The following CNTNAP2 variants were observed in gnomAD, a reference collection of about 807,000 sequenced individuals.
The protein encoded by CNTNAP2 is contactin associated protein 2.
A neutral mutation model predicts 155.2 loss-of-function variants in CNTNAP2; 98 were observed. That is an observed-to-expected ratio of 0.63 (90% CI 0.54 to 0.75). The LOEUF (loss-of-function observed/expected upper bound fraction) is 0.75, where lower values mean the gene tolerates loss of function less well. CNTNAP2 is among the 30% of genes least tolerant of loss of function. CNTNAP2 has a pLI of 0.00. For missense variants in CNTNAP2, 1,727 were observed against 1,688.1 expected (o/e 1.02, Z -0.40); for synonymous variants, 651 against 631.2 (o/e 1.03, Z -0.47).
chr7:146,507,161 A>C (rs1371110939), intron 1 of CNTNAP2, among the ~76,000 whole-genome samples: 1 of 152,176 alleles, frequency 6.6e-6, no homozygotes, highest in African/African-American at 2.4e-5. Context: ...TTGTCCACAC[A>C]ATGACTGTAG....
At chr7:146,799,057 C>G (rs959030118) in intron 2 of CNTNAP2, among the ~76,000 whole-genome samples, 1 of 152,180 alleles carries the variant, frequency 6.6e-6, no homozygotes, top group African/African-American at 2.4e-5. Context: ...ACAACCACAT[C>G]ACTTGAATTG....
At chr7:148,230,294 A>G (rs1795936836) in intron 20 of CNTNAP2, among the ~76,000 whole-genome samples, 1 of 152,148 alleles carries the variant, frequency 6.6e-6, no homozygotes, top group South Asian at 2.1e-4. Flanking sequence ...TCGGCACACA[A>G]AGGGATGGTT....
rs58027241 is a variant in CNTNAP2 at position 147,772,446 on chromosome 7, CTATATATATATATATATATATATATA to C, written c.2099-131106_2099-131081del. 2.5e-4 allele frequency among the ~76,000 whole-genome samples: 16 copies of C among 63,746 alleles called. 1 individual carries two copies. The highest frequency in any genetic ancestry group is 4.2e-4 in the Non-Finnish European group (15 of 36,084). The allele number at this position is 63,746 out of a possible 152,430, so 41.8% of individuals were successfully genotyped here. A position where few individuals can be genotyped will look rare whatever the true frequency, so the allele number is the denominator to read the frequency against. The stretch of plus-strand genomic sequence containing the variant: ...AATATATATATTATTCTCTCTCTCG[CTATATATATATATATATATATATATA>C]TATATATATATACACACACAAAAAA... On this transcript the variant is annotated intron_variant, in intron 13 of 23. Coordinates refer to ENST00000361727, the MANE Select transcript of CNTNAP2 (RefSeq NM_014141.6).
intron 1 of CNTNAP2, among the ~76,000 whole-genome samples, chr7:146,516,650 C>A (rs1797546084): frequency 6.6e-6 from 1 of 151,910 alleles, no homozygotes; most frequent in African/African-American, 2.4e-5. Flanking sequence ...CTTGACTCTG[C>A]AACTAACCCC....
intron 3 of CNTNAP2, among the ~76,000 whole-genome samples, chr7:146,980,271 G>A (rs1797988741): frequency 6.6e-6 from 1 of 152,168 alleles, no homozygotes; most frequent in Non-Finnish European, 1.5e-5. Flanking sequence ...AAGGGGGCAA[G>A]TGATCAACAC....
chr7:147,698,416 A>C (rs576579837), intron 13 of CNTNAP2, among the ~76,000 whole-genome samples: 1 of 152,298 alleles, frequency 6.6e-6, no homozygotes, highest in East Asian at 1.9e-4. Context: ...CACATATTTA[A>C]ACATCTATTA....
At chr7:147,040,192 C>T (rs1799231623) in intron 3 of CNTNAP2, among the ~76,000 whole-genome samples, 1 of 152,086 alleles carries the variant, frequency 6.6e-6, no homozygotes, top group African/African-American at 2.4e-5. Context: ...TGAAAAAAAG[C>T]TCACTATGTA....
intron 3 of CNTNAP2, among the ~76,000 whole-genome samples, chr7:146,984,683 T>C (rs1474643173): frequency 1.3e-5 from 2 of 152,202 alleles, no homozygotes; most frequent in African/African-American, 2.4e-5. Flanking sequence ...TTCATTGAAA[T>C]AGCTCCACAT....
intron 21 of CNTNAP2, among the ~76,000 whole-genome samples, chr7:148,350,363 T>C (rs1478152277): frequency 6.6e-6 from 1 of 152,200 alleles, no homozygotes; most frequent in African/African-American, 2.4e-5. Context: ...CTTCTCATTC[T>C]TGCATGAGGA....
At chr7:146,265,750 G>C (rs1799984942) in intron 1 of CNTNAP2, among the ~76,000 whole-genome samples, 1 of 152,106 alleles carries the variant, frequency 6.6e-6, no homozygotes, top group Non-Finnish European at 1.5e-5. Flanking sequence ...ATGAGCCACT[G>C]CGCCTGTGCT....
chr7:147,734,677 A>G lies in CNTNAP2; in HGVS notation c.2098+95371A>G, dbSNP rs543964597. On this transcript the variant is annotated intron_variant, in intron 13 of 23. Coordinates refer to ENST00000361727, the MANE Select transcript of CNTNAP2 (RefSeq NM_014141.6). ...TTTTTTGGTTGGTAAGCTATTAATT[A>G]TTGCCTCACTTTCAGAACCTGTTAT... 2.0e-5 allele frequency among the ~76,000 whole-genome samples: 3 copies of G among 152,298 alleles called. 1 individual carries two copies. The South Asian group carries it at 6.2e-4, about 32-fold the overall frequency.
At chr7:147,448,776 TA>T (rs986544979) in intron 10 of CNTNAP2, among the ~76,000 whole-genome samples, 159 of 152,184 alleles carry the variant, frequency 1.0e-3, no homozygotes, top group African/African-American at 3.7e-3. Flanking sequence ...GTTATAAAAA[TA>T]AAGTTAAATT....
intron 3 of CNTNAP2, among the ~76,000 whole-genome samples, chr7:147,032,733 A>G (rs952071647): frequency 2.0e-5 from 3 of 152,118 alleles, no homozygotes; most frequent in African/African-American, 4.8e-5. Flanking sequence ...AGAGAGAAAA[A>G]GGAAGGAAGT....
At chr7:146,640,303 A>G (rs1405219578) in intron 1 of CNTNAP2, among the ~76,000 whole-genome samples, 2 of 152,164 alleles carry the variant, frequency 1.3e-5, no homozygotes, top group East Asian at 3.9e-4. Context: ...TTTCTTCTCT[A>G]ATGTTCTCAA....
At chr7:146,993,724 T>G (rs1161782881) in intron 3 of CNTNAP2, among the ~76,000 whole-genome samples, 5 of 152,146 alleles carry the variant, frequency 3.3e-5, no homozygotes, top group Non-Finnish European at 7.4e-5. Flanking sequence ...ATTCATGAAG[T>G]TGTACATATT....
At chr7:146,265,374 A>G (rs1277206926) in intron 1 of CNTNAP2, among the ~76,000 whole-genome samples, 2 of 152,156 alleles carry the variant, frequency 1.3e-5, no homozygotes, top group Non-Finnish European at 2.9e-5. Flanking sequence ...TTATGTCAAC[A>G]GAGTTGGAAA....
At chr7:147,886,795 A>T (rs1325809987) in intron 13 of CNTNAP2, among the ~76,000 whole-genome samples, 1 of 152,114 alleles carries the variant, frequency 6.6e-6, no homozygotes, top group East Asian at 1.9e-4. Flanking sequence ...TATAAAATTA[A>T]ACTGAAAAAG....
At chr7:147,046,886 A>G (rs11975072) in intron 4 of CNTNAP2, among the ~76,000 whole-genome samples, 85,372 of 150,994 alleles carry the variant, frequency 0.57, 25,535 homozygotes, top group African/African-American at 0.77. Flanking sequence ...AACAAAATTA[A>G]CTGGGCATTG....
chr7:147,862,937 T>TTA (rs1027545441), intron 13 of CNTNAP2, among the ~76,000 whole-genome samples: 6 of 151,966 alleles, frequency 3.9e-5, no homozygotes, highest in Admixed American at 6.6e-5. Context: ...TTTTATATTT[T>TTA]TATATATATA....
Sources: gnomAD v4.1 joint callset for allele counts (sites outside exome capture counted in the v4.1 genomes callset) on GRCh38, gnomAD v4.1.1 for gene constraint, MANE v1.5 for transcripts, NCBI Gene and HGNC (gene_info 2026-07-23, HGNC 2026-07-21) for gene names.